DACH2: variants seen among roughly 807,000 people sequenced by gnomAD.
DACH2 encodes the protein dachshund family transcription factor 2, also known as dachshund homolog 2.
A neutral mutation model predicts 35.8 loss-of-function variants in DACH2; 17 were observed. The observed-to-expected ratio is 0.48, with a 90% CI of 0.33 to 0.71. DACH2 has a LOEUF of 0.71. DACH2 is among the 30% of genes least tolerant of loss of function. DACH2 has a pLI of 0.02. For synonymous variants in DACH2, 195 were observed against 177.3 expected, an observed-to-expected ratio of 1.10 and a Z score of -0.79; for missense variants, 469 against 472.7, an observed-to-expected ratio of 0.99 and a Z score of 0.07.
chrX:86,281,074 G>C (rs916347467), intron 1 of DACH2, among the ~76,000 whole-genome samples: 3 of 111,201 alleles, frequency 2.7e-5, no homozygotes, highest in Non-Finnish European at 3.8e-5. Flanking sequence ...TTCAGGCCTT[G>C]AACTCAGCTC....
chrX:86,315,982 G>C (rs1478488166), intron 1 of DACH2, among the ~76,000 whole-genome samples: 1 of 110,792 alleles, frequency 9.0e-6, no homozygotes, highest in Admixed American at 9.6e-5. Flanking sequence ...TGAGGAGGGG[G>C]TGTCTTATCT....
chrX:86,294,332 T>G (rs1342366433), intron 1 of DACH2, among the ~76,000 whole-genome samples: 1 of 110,180 alleles, frequency 9.1e-6, no homozygotes, highest in Non-Finnish European at 1.9e-5. Flanking sequence ...CTTCTAAATT[T>G]TTTTCAAAGT....
chrX:86,183,146 C>T (rs772486147), intron 1 of DACH2, among the ~76,000 whole-genome samples: 7 of 111,754 alleles, frequency 6.3e-5, no homozygotes, highest in Non-Finnish European at 1.1e-4. Context: ...GACTTCTTCT[C>T]TTCCTATTTG....
intron 7 of DACH2, among the ~76,000 whole-genome samples, chrX:86,769,607 A>G (rs747727785): frequency 1.8e-5 from 2 of 111,946 alleles, no homozygotes; most frequent in Non-Finnish European, 3.8e-5. Context: ...GACTTAGAAC[A>G]TTATAATATT....
chrX:86,795,673 G>T (rs1025474980), intron 7 of DACH2, among the ~76,000 whole-genome samples: 1 of 112,113 alleles, frequency 8.9e-6, no homozygotes, highest in East Asian at 2.8e-4. Flanking sequence ...ATGAAGCCGC[G>T]GACCCTCGCA....
At chrX:86,642,672 T>C (rs758374888) in intron 3 of DACH2, among the ~76,000 whole-genome samples, 103 of 112,247 alleles carry the variant, frequency 9.2e-4, no homozygotes, top group Non-Finnish European at 1.4e-3. Flanking sequence ...CATTGCCACA[T>C]GGCACATACT....
chrX:86,412,709 G>A (rs1370642141), intron 2 of DACH2, among the ~76,000 whole-genome samples: 1 of 111,403 alleles, frequency 9.0e-6, no homozygotes, highest in East Asian at 2.8e-4. Flanking sequence ...AATCCTAGAG[G>A]CCTTTGCTGT....
rs1158163139 is a variant in DACH2 at position 86,610,418 on chromosome X, TTTTC to T, written c.641-40590_641-40587del. Reference sequence around the variant, plus strand: ...CTTTCTTTCTTTCTTTCTTTCTTTCTTTTCTTTCTTTCTTTCTTTCTTTCTTTCT... The same window carrying T: ...CTTTCTTTCTTTCTTTCTTTCTTTCTTTTCTTTCTTTCTTTCTTTCTTTCT... On this transcript the variant is annotated intron_variant, in intron 3 of 11. Transcript: ENST00000373125. Among the ~76,000 whole-genome samples, 213 of 62,153 alleles carry T rather than the reference TTTTC, an allele frequency of 3.4e-3. 2 individuals carry two copies. Among genetic ancestry groups the T allele is most frequent in the African/African-American group, 0.011 (169 of 15,188 alleles). The allele number at this position is 62,153 out of a possible 115,157, so 54.0% of individuals were successfully genotyped here.
At chrX:86,499,938 G>A (rs766634584) in intron 2 of DACH2, among the ~76,000 whole-genome samples, 17 of 111,108 alleles carry the variant, frequency 1.5e-4, no homozygotes, top group African/African-American at 4.9e-4. Context: ...GAATACTGCC[G>A]CCATGACCAA....
At chrX:86,397,325 G>A (rs2036316846) in intron 2 of DACH2, among the ~76,000 whole-genome samples, 1 of 111,582 alleles carries the variant, frequency 9.0e-6, no homozygotes, top group South Asian at 3.7e-4. Flanking sequence ...ATACAATCAC[G>A]TCATCTGCAA....
intron 2 of DACH2, among the ~76,000 whole-genome samples, chrX:86,454,968 T>TTTG (rs769917989): frequency 2.7e-5 from 3 of 111,489 alleles, no homozygotes; most frequent in Non-Finnish European, 3.8e-5. Flanking sequence ...TGGGGACATT[T>TTTG]TTGTTGTTGT....
chrX:86,736,941 G>A (rs779025627), intron 6 of DACH2, among the ~76,000 whole-genome samples: 53 of 111,328 alleles, frequency 4.8e-4, no homozygotes, highest in Non-Finnish European at 8.9e-4. Flanking sequence ...AATGTTCTGC[G>A]GTTTTTGCAC....
intron 4 of DACH2, among the ~76,000 whole-genome samples, chrX:86,690,626 G>A (rs1443408785): frequency 2.7e-5 from 3 of 111,514 alleles, no homozygotes; most frequent in Non-Finnish European, 5.7e-5. Flanking sequence ...TTTTAAAAAG[G>A]TCTAAATTGC....
intron 2 of DACH2, among the ~76,000 whole-genome samples, chrX:86,496,646 A>C (rs996078418): frequency 9.1e-6 from 1 of 109,334 alleles, no homozygotes; most frequent in Non-Finnish European, 1.9e-5. Flanking sequence ...TTCCAGTCCA[A>C]AGTTTGGTTC....
chrX:86,736,280 C>T (rs966225399), intron 6 of DACH2, among the ~76,000 whole-genome samples: 3 of 111,000 alleles, frequency 2.7e-5, no homozygotes, highest in Non-Finnish European at 5.7e-5. Context: ...TGGACTGAAA[C>T]TTGATCGAAT....
chrX:86,459,216 C>G (rs191026074), intron 2 of DACH2, among the ~76,000 whole-genome samples: 98 of 111,260 alleles, frequency 8.8e-4, no homozygotes, highest in Non-Finnish European at 1.5e-3. Context: ...ATTTTTTAAA[C>G]CTATGACAAA....
intron 2 of DACH2, among the ~76,000 whole-genome samples, chrX:86,394,747 T>G (rs1193278083): frequency 2.7e-5 from 3 of 111,741 alleles, no homozygotes; most frequent in Non-Finnish European, 5.7e-5. Context: ...CTGAATTCCT[T>G]TAAGATATAA....
At chrX:86,292,568 T>C (rs2034328503) in intron 1 of DACH2, among the ~76,000 whole-genome samples, 1 of 111,237 alleles carries the variant, frequency 9.0e-6, no homozygotes, top group Non-Finnish European at 1.9e-5. Flanking sequence ...CATTTAGTGC[T>C]ATAAATTTCC....
At position 86,435,681 on chromosome X, in the gene DACH2, T is replaced by C. The variant is rs1490929254; in HGVS notation, c.527+58819T>C. ...TTAGGTAAAGGTTGAATTTCTATTC[T>C]TTCCAAAGCCTACCATCTTGTAGCA... On this transcript the variant is annotated intron_variant, in intron 2 of 11. Coordinates refer to ENST00000373125, the MANE Select transcript of DACH2 (RefSeq NM_053281.3). Among the ~76,000 whole-genome samples, 3 of 112,056 alleles carry C rather than the reference T, an allele frequency of 2.7e-5. No homozygotes were observed. The East Asian group carries it at 8.4e-4, about 31-fold the overall frequency.
Sources: allele counts gnomAD v4.1 joint callset (sites outside exome capture counted in the v4.1 genomes callset), GRCh38; gene constraint gnomAD v4.1.1; transcripts MANE v1.5; gene names NCBI Gene and HGNC (gene_info 2026-07-23, HGNC 2026-07-21).